Variants in GALE observed in about 807,000 individuals in gnomAD.
GALE encodes the protein UDP-galactose-4-epimerase.
A neutral mutation model predicts 44.1 loss-of-function variants in GALE; 32 were observed. That is an observed-to-expected ratio of 0.73 (90% CI 0.55 to 0.97). GALE has a LOEUF of 0.97. GALE is among the 50% of genes least tolerant of loss of function. The pLI is 0.00. For missense variants in GALE, 423 were observed against 455.6 expected, an observed-to-expected ratio of 0.93 and a Z score of 0.65; for synonymous variants, 182 against 183.5, an observed-to-expected ratio of 0.99 and a Z score of 0.06.
In GALE at chr1:23,796,683, C is replaced by T; in HGVS notation, c.795+14G>A. The T allele has an allele frequency of 6.2e-7, 1 of 1,613,676 alleles. No homozygotes were observed. The highest frequency in any genetic ancestry group is 1.1e-5 in the South Asian group (1 of 90,974). On this transcript the variant is annotated intron_variant, in intron 9 of 11. Coordinates refer to ENST00000617979, the MANE Select transcript of GALE (RefSeq NM_001008216.2). The surrounding 1 kb of genome is among the most constrained non-coding windows in gnomAD (Gnocchi z 5.2). ...TGGTCCCTCCCCTCCCTCACTTCTCCCTTCTCTTCCTACCCGGCAGCCACA... is the reference window on the plus strand; with the variant it reads ...TGGTCCCTCCCCTCCCTCACTTCTCTCTTCTCTTCCTACCCGGCAGCCACA...
Position 23,796,444 on chromosome 1 carries a change from G to A in GALE, c.873+65C>T, listed in dbSNP as rs531133811. Reference sequence around the variant, plus strand: ...AGAGAGGTGAGTGGGAAGGGCCAAAGCTGCTCTGTTGCTGAGAGCTGGGTG... The same window carrying A: ...AGAGAGGTGAGTGGGAAGGGCCAAAACTGCTCTGTTGCTGAGAGCTGGGTG... On this transcript the variant is annotated intron_variant, in intron 10 of 11. Coordinates refer to ENST00000617979, the MANE Select transcript of GALE (RefSeq NM_001008216.2). The surrounding 1 kb of genome is among the most constrained non-coding windows in gnomAD (Gnocchi z 5.2). 24 of 1,559,278 alleles carry A rather than the reference G, an allele frequency of 1.5e-5. No homozygotes were observed. Among genetic ancestry groups the A allele is most frequent in the Non-Finnish European group, 2.1e-5 (24 of 1,137,312 alleles).
At position 23,797,025 on chromosome 1, in the gene GALE, T is replaced by G. The variant is rs1638980348; in HGVS notation, c.642+9A>C. Reference sequence around the variant, plus strand: ...GGGCCACTCCTCTGTCCCTTCCCTTTTGCCTTACCTGGGAGACATAAGGCA... The same window carrying G: ...GGGCCACTCCTCTGTCCCTTCCCTTGTGCCTTACCTGGGAGACATAAGGCA... On this transcript the variant is annotated intron_variant, in intron 7 of 11. Coordinates refer to ENST00000617979, the MANE Select transcript of GALE (RefSeq NM_001008216.2). 6.2e-6 allele frequency: 10 copies of G among 1,611,288 alleles called. No homozygotes were observed. The highest frequency in any genetic ancestry group is 8.5e-6 in the Non-Finnish European group (10 of 1,178,440).
chr1:23,796,383 C>G lies in GALE; in HGVS notation c.874-118G>C. ...TGGCCCGCAGGCACCGGGTGCTAGG[C>G]AGGCTGAGGAGACTGGGCAGTGCCA... On this transcript the variant is annotated intron_variant, in intron 10 of 11. Coordinates refer to ENST00000617979, the MANE Select transcript of GALE (RefSeq NM_001008216.2). The surrounding 1 kb of genome is among the most constrained non-coding windows in gnomAD (Gnocchi z 5.2). The G allele has an allele frequency of 2.1e-6, 3 of 1,423,694 alleles. No homozygotes were observed. In the East Asian group the frequency reaches 6.9e-5, roughly 33 times the overall value. The allele number at this position is 1,423,694 out of a possible 1,614,324, so 88.2% of individuals were successfully genotyped here. A position where few individuals can be genotyped will look rare whatever the true frequency, so the allele number is the denominator to read the frequency against.
Position 23,798,457 on chromosome 1 carries a change from A to C in GALE, c.237+158T>G. ...GTAGCTGGGACCACAGGTATGGGCT[A>C]CCATGCCCAGCTAATTTTTGTATTT... On this transcript the variant is annotated intron_variant, in intron 4 of 11. Transcript: ENST00000617979. This position sits in a 1 kb window ranked among gnomAD's most constrained non-coding sequence, Gnocchi z 4.5. The C allele has an allele frequency of 1.4e-6, 1 of 699,886 alleles. No homozygotes were observed. Among genetic ancestry groups the C allele is most frequent in the African/African-American group, 1.8e-5 (1 of 56,898 alleles). The allele number at this position is 699,886 out of a possible 1,614,324, so 43.4% of individuals were successfully genotyped here. A position where few individuals can be genotyped will look rare whatever the true frequency, so the allele number is the denominator to read the frequency against.
At position 23,798,180 on chromosome 1, in the gene GALE, C is replaced by A; in HGVS notation, c.288G>T (p.Glu96Asp). The A allele has an allele frequency of 6.2e-7, 1 of 1,614,142 alleles. No homozygotes were observed. The highest frequency in any genetic ancestry group is 8.5e-7 in the Non-Finnish European group (1 of 1,180,048). The change falls in exon 5 of 12, where the codon GAG becomes GAT. Residue 96 changes from glutamate to aspartate, a missense_variant. Physicochemically the swap from Glu to Asp is conservative, Grantham distance 45 (BLOSUM62 2). Coordinates refer to ENST00000617979, the MANE Select transcript of GALE (RefSeq NM_001008216.2). This position sits in a 1 kb window ranked among gnomAD's most constrained non-coding sequence, Gnocchi z 4.5. ...IHFAGLKAVG[E>D]SVQKPLDYYR... ...AATAATCCAGAGGCTTCTGCACCGACTCGCCCACGGCCTTGAGCCCCGCAA... is the reference window on the plus strand; with the variant it reads ...AATAATCCAGAGGCTTCTGCACCGAATCGCCCACGGCCTTGAGCCCCGCAA...
At position 23,795,759 on chromosome 1, in the gene GALE, A is replaced by T. The variant is rs1462701680; in HGVS notation, c.*190T>A. 3.1e-6 allele frequency: 2 copies of T among 635,460 alleles called. No individual in the cohort carries two copies. The highest frequency in any genetic ancestry group is 5.7e-6 in the Non-Finnish European group (2 of 352,366). The allele number at this position is 635,460 out of a possible 1,614,324, so 39.4% of individuals were successfully genotyped here. A position where few individuals can be genotyped will look rare whatever the true frequency, so the allele number is the denominator to read the frequency against. On this transcript the variant is annotated 3_prime_UTR_variant, in exon 12 of 12. Transcript: ENST00000617979. ...ACTCTTGGACCCTGTGGAAGATAAGAGTTAGAGACCTCGGCCTCCTGGTCA... is the reference window on the plus strand; with the variant it reads ...ACTCTTGGACCCTGTGGAAGATAAGTGTTAGAGACCTCGGCCTCCTGGTCA...
Position 23,796,023 on chromosome 1 carries a change from G to C in GALE, c.989-16C>G, listed in dbSNP as rs559590747. 2 of 1,613,812 alleles carry C rather than the reference G, an allele frequency of 1.2e-6. No homozygotes were observed. The highest frequency in any genetic ancestry group is 2.7e-5 in the African/African-American group (2 of 75,048). On this transcript the variant is annotated splice_polypyrimidine_tract_variant and intron_variant, in intron 11 of 11. Coordinates refer to ENST00000617979, the MANE Select transcript of GALE (RefSeq NM_001008216.2). This position sits in a 1 kb window ranked among gnomAD's most constrained non-coding sequence, Gnocchi z 5.2. ...AGATCCTCACCTGCAACACGGCGAG[G>C]TGTGTGCTCAGGGCCCACGGTGGAA...
rs138716401 is a variant in GALE, at chr1:23,796,934, G to A, written c.651C>T (p.Ile217=). 5.6e-5 allele frequency: 90 copies of A among 1,613,164 alleles called. No homozygotes were observed. In the African/African-American group the frequency reaches 1.0e-3, roughly 19 times the overall value. ...AGACATTCAGGGCCTCCCGTCGCCC[G>A]ATCGCCACCTGGAGGTGGAGATCAG... The part of the protein sequence containing the change: ...NLMPYVSQVA[I]GRREALNVFG... Residue 217 remains isoleucine, a synonymous_variant, in exon 8 of 12, where the codon ATC becomes ATT. Transcript: ENST00000617979. The surrounding 1 kb of genome is among the most constrained non-coding windows in gnomAD (Gnocchi z 5.2).
intron 6 of GALE, among the ~76,000 whole-genome samples, chr1:23,797,472 G>A (rs1638995405): frequency 6.6e-6 from 1 of 152,080 alleles, no homozygotes; most frequent in South Asian, 2.1e-4. Context: ...TGCCCACCTG[G>A]GCCTCCCAAA....
rs755045524 is a variant in GALE at position 23,798,704 on chromosome 1, G to A, written c.148C>T (p.Arg50Trp). The A allele has an allele frequency of 1.7e-5, 28 of 1,613,752 alleles. No individual in the cohort carries two copies. Among genetic ancestry groups the A allele is most frequent in the South Asian group, 4.4e-5 (4 of 91,080 alleles). Residue 50 changes from arginine (R) to tryptophan (W), a missense_variant, in exon 4 of 12, where the codon CGG (arginine) becomes TGG (tryptophan). Coordinates refer to ENST00000617979, the MANE Select transcript of GALE (RefSeq NM_001008216.2). This position sits in a 1 kb window ranked among gnomAD's most constrained non-coding sequence, Gnocchi z 4.5. ...CGGCCTGTCAGCTCCTGGACCCGCC[G>A]CAGGCTCTCAGGCAGGGAGCCCCCT... ...RGGGSLPESL[R>W]RVQELTGRSV...
chr1:23,797,612 C>T (rs578157459), intron 6 of GALE, 83 bp downstream of exon 6: 29 of 1,367,576 alleles, frequency 2.1e-5, no homozygotes, highest in Non-Finnish European at 2.8e-5. Flanking sequence ...TGGGGGTGTT[C>T]GGAATCCCAC....
In GALE at chr1:23,796,996, C is replaced by T. The variant is rs779415315; in HGVS notation, c.642+38G>A. ...CCAGATCCCAGGCACCAGCTTTAAC[C>T]CCAGGGCCACTCCTCTGTCCCTTCC... On this transcript the variant is annotated intron_variant, in intron 7 of 11. Coordinates refer to ENST00000617979, the MANE Select transcript of GALE (RefSeq NM_001008216.2). This position sits in a 1 kb window ranked among gnomAD's most constrained non-coding sequence, Gnocchi z 5.2. 2 of 1,607,992 alleles carry T rather than the reference C, an allele frequency of 1.2e-6. No homozygotes were observed. The highest frequency in any genetic ancestry group is 1.7e-6 in the Non-Finnish European group (2 of 1,176,588).
chr1:23,795,762 T>TA lies in GALE; in HGVS notation c.*186dup, dbSNP rs780491596. On this transcript the variant is annotated 3_prime_UTR_variant, in exon 12 of 12. Transcript: ENST00000617979. ...CTTGGACCCTGTGGAAGATAAGAGT[T>TA]AGAGACCTCGGCCTCCTGGTCAGTG... is the stretch of plus-strand genomic sequence containing the variant. 4.2e-5 allele frequency: 27 copies of TA among 639,736 alleles called. No individual in the cohort carries two copies. The highest frequency in any genetic ancestry group is 6.8e-5 in the Non-Finnish European group (24 of 354,340). 39.6% of individuals were successfully genotyped at this position (639,736 alleles called of 1,614,324 possible). A position where few individuals can be genotyped will look rare whatever the true frequency, so the allele number is the denominator to read the frequency against.
In GALE at chr1:23,796,152, C is replaced by T; in HGVS notation, c.987G>A (p.Met329Ile). The change falls in exon 11 of 12, where the codon ATG (methionine) becomes ATA (isoleucine). Residue 329 changes from methionine to isoleucine, a missense_variant and splice_region_variant. By Grantham distance (10) the Met-to-Ile change is conservative. Transcript: ENST00000617979. The surrounding 1 kb of genome is among the most constrained non-coding windows in gnomAD (Gnocchi z 5.2). ...GWTAALGLDR[M>I]CEDLWRWQKQ... The stretch of plus-strand genomic sequence containing the variant: ...TGCAGGGGTCAGGCCAGCACTCACA[C>T]ATCCTGTCCAGCCCTAAGGCTGCTG... 1 of 1,612,954 alleles carries T rather than the reference C, an allele frequency of 6.2e-7. No homozygotes were observed. The highest frequency in any genetic ancestry group is 8.5e-7 in the Non-Finnish European group (1 of 1,178,970).
chr1:23,797,993 G>T (rs1406399100), intron 5 of GALE, 122 bp from the exon 6 acceptor site: 4 of 1,328,798 alleles, frequency 3.0e-6, no homozygotes, highest in Non-Finnish European at 4.3e-6. Flanking sequence ...GGGAAACTGA[G>T]ACTGGGAGGT....
In GALE at chr1:23,795,787, GGA is replaced by G. The variant is rs1638926871; in HGVS notation, c.*160_*161del. On this transcript the variant is annotated 3_prime_UTR_variant, in exon 12 of 12. Transcript: ENST00000617979. Reference sequence around the variant, plus strand: ...TAGAGACCTCGGCCTCCTGGTCAGTGGAGCCCTTGGCCTCATGCCTGGTGGGC... The same window carrying G: ...TAGAGACCTCGGCCTCCTGGTCAGTGGCCCTTGGCCTCATGCCTGGTGGGC... The G allele has an allele frequency of 1.4e-6, 1 of 693,118 alleles. No individual in the cohort carries two copies. Among genetic ancestry groups the G allele is most frequent in the Non-Finnish European group, 2.6e-6 (1 of 384,078 alleles). 42.9% of individuals were successfully genotyped at this position (693,118 alleles called of 1,614,324 possible). A position where few individuals can be genotyped will look rare whatever the true frequency, so the allele number is the denominator to read the frequency against.
chr1:23,797,577 G>T, intron 6 of GALE, 118 bp downstream of exon 6: 1 of 1,000,340 alleles, frequency 1.0e-6, no homozygotes, highest in Non-Finnish European at 1.6e-6. Flanking sequence ...CACTGCAACT[G>T]CCTGAGCCTT....
chr1:23,796,496 C>G lies in GALE; in HGVS notation c.873+13G>C, dbSNP rs760941. ...GGTGAGGTGGGTGAGGTGGGTGGGG[C>G]GGGGGGGCCTACCTTCTTCCCAGAG... On this transcript the variant is annotated intron_variant, in intron 10 of 11. Transcript: ENST00000617979. This position sits in a 1 kb window ranked among gnomAD's most constrained non-coding sequence, Gnocchi z 5.2. The G allele has an allele frequency of 9.5e-4, 1,316 of 1,392,538 alleles. 3 individuals carry two copies. The highest frequency in any genetic ancestry group is 2.2e-3 in the Middle Eastern group (9 of 4,044). The allele number at this position is 1,392,538 out of a possible 1,614,324, so 86.3% of individuals were successfully genotyped here. A position where few individuals can be genotyped will look rare whatever the true frequency, so the allele number is the denominator to read the frequency against.
rs372545693 is a variant in GALE at position 23,798,754 on chromosome 1, A to G, written c.122-24T>C. ...TCCTGGTAGGGTACATGTAGGCCACATCATCACGACATGGGGTGCTGTGTT... is the reference window on the plus strand; with the variant it reads ...TCCTGGTAGGGTACATGTAGGCCACGTCATCACGACATGGGGTGCTGTGTT... On this transcript the variant is annotated intron_variant, in intron 3 of 11. Transcript: ENST00000617979. The surrounding 1 kb of genome is among the most constrained non-coding windows in gnomAD (Gnocchi z 4.5). 9.8e-5 allele frequency: 157 copies of G among 1,610,216 alleles called. No homozygotes were observed. Among genetic ancestry groups the G allele is most frequent in the Non-Finnish European group, 1.3e-4 (151 of 1,176,506 alleles).
Sources: allele counts gnomAD v4.1 joint callset (sites outside exome capture counted in the v4.1 genomes callset), GRCh38; gene constraint gnomAD v4.1.1; non-coding constraint Gnocchi (gnomAD v3.1); transcripts MANE v1.5; gene names NCBI Gene and HGNC (gene_info 2026-07-23, HGNC 2026-07-21).